The following FRMD5 variants were observed in gnomAD, a reference collection of about 807,000 sequenced individuals.
FRMD5 encodes FERM domain-containing protein 5.
A neutral mutation model predicts 69.0 loss-of-function variants in FRMD5; 20 were observed. The ratio of observed to expected loss-of-function variants is 0.29; its 90% CI spans 0.20 to 0.42. The LOEUF (loss-of-function observed/expected upper bound fraction) is 0.42, where lower values mean the gene tolerates loss of function less well. FRMD5 is among the 10% of genes least tolerant of loss of function. The pLI is 1.00. For synonymous variants in FRMD5, 271 were observed against 260.1 expected (o/e 1.04, Z -0.40); for missense variants, 595 against 708.6 (o/e 0.84, Z 1.82).
chr15:43,979,943 T>A (rs1290714099), intron 1 of FRMD5, among the ~76,000 whole-genome samples: 1 of 152,144 alleles, frequency 6.6e-6, no homozygotes, highest in African/African-American at 2.4e-5. Flanking sequence ...CCAACTCTAA[T>A]TGGAGAACAG....
At chr15:43,926,701 C>A (rs1396425631) in intron 1 of FRMD5, among the ~76,000 whole-genome samples, 1 of 151,776 alleles carries the variant, frequency 6.6e-6, no homozygotes, top group Non-Finnish European at 1.5e-5. Context: ...ATGTGGGCAA[C>A]ACCCCTCCTC....
At chr15:43,958,618 G>A (rs142508072) in intron 1 of FRMD5, among the ~76,000 whole-genome samples, 8 of 151,988 alleles carry the variant, frequency 5.3e-5, no homozygotes, top group South Asian at 2.1e-4. Context: ...AATTTTTTTC[G>A]AGACAGGGTT....
At chr15:44,145,979 T>G (rs769391091) in intron 1 of FRMD5, among the ~76,000 whole-genome samples, 4 of 152,240 alleles carry the variant, frequency 2.6e-5, no homozygotes, top group Non-Finnish European at 1.5e-5. Flanking sequence ...TTTTGCATAC[T>G]GAGAATGGAA....
At chr15:44,100,837 A>G (rs1169043622) in intron 1 of FRMD5, among the ~76,000 whole-genome samples, 1 of 152,180 alleles carries the variant, frequency 6.6e-6, no homozygotes, top group African/African-American at 2.4e-5. Flanking sequence ...CAAGGGAACT[A>G]GTTCCTGCAG....
At chr15:44,037,083 C>T (rs1313431193) in intron 1 of FRMD5, among the ~76,000 whole-genome samples, 1 of 152,062 alleles carries the variant, frequency 6.6e-6, no homozygotes, top group Admixed American at 6.5e-5. Context: ...GTTTGCTCTA[C>T]CCATCAGCCT....
chr15:44,089,933 C>G (rs2076448262), intron 1 of FRMD5, among the ~76,000 whole-genome samples: 1 of 152,042 alleles, frequency 6.6e-6, no homozygotes, highest in African/African-American at 2.4e-5. Flanking sequence ...TTGTCTTCCA[C>G]CTCTCTCACT....
chr15:44,157,175 C>A (rs1027178249), intron 1 of FRMD5, among the ~76,000 whole-genome samples: 1 of 152,064 alleles, frequency 6.6e-6, no homozygotes, highest in Non-Finnish European at 1.5e-5. Context: ...ATCCAGACAC[C>A]TTCAGATATG....
chr15:44,098,649 T>C (rs2076591713), intron 1 of FRMD5, among the ~76,000 whole-genome samples: 1 of 152,208 alleles, frequency 6.6e-6, no homozygotes, highest in Admixed American at 6.5e-5. Flanking sequence ...ACTGCAAATG[T>C]ACCATTTCCT....
intron 13 of FRMD5, among the ~76,000 whole-genome samples, chr15:43,878,911 A>C (rs1595472603): frequency 7.3e-6 from 1 of 136,804 alleles, no homozygotes; most frequent in East Asian, 2.1e-4. Context: ...ATAGATAGGC[A>C]TTTCTTTTTT....
chr15:44,094,499 A>G (rs2076522702), intron 1 of FRMD5, among the ~76,000 whole-genome samples: 1 of 152,052 alleles, frequency 6.6e-6, no homozygotes, highest in South Asian at 2.1e-4. Flanking sequence ...GAGCCACCAA[A>G]CTCCCACTAA....
chr15:43,974,180 T>C (rs2090430236), intron 1 of FRMD5, among the ~76,000 whole-genome samples: 1 of 151,950 alleles, frequency 6.6e-6, no homozygotes. Context: ...CTAGTGAAAG[T>C]GAGAGGCAAG....
At chr15:44,049,242 G>T (rs1892557015) in intron 1 of FRMD5, among the ~76,000 whole-genome samples, 1 of 152,194 alleles carries the variant, frequency 6.6e-6, no homozygotes, top group Non-Finnish European at 1.5e-5. Flanking sequence ...GAGTTGTTAA[G>T]AAGTAGACCA....
intron 13 of FRMD5, among the ~76,000 whole-genome samples, chr15:43,875,182 G>C (rs970676873): frequency 2.0e-5 from 3 of 151,850 alleles, no homozygotes; most frequent in Admixed American, 6.6e-5. Context: ...GGGTGACAGA[G>C]CAAGACTCTG....
chr15:44,075,317 G>A (rs1335593706), intron 1 of FRMD5, among the ~76,000 whole-genome samples: 1 of 151,970 alleles, frequency 6.6e-6, no homozygotes. Context: ...ATTCTAAAGT[G>A]GTGCCAATTT....
intron 1 of FRMD5, among the ~76,000 whole-genome samples, chr15:44,151,606 A>G (rs1221091723): frequency 6.6e-6 from 1 of 152,136 alleles, no homozygotes; most frequent in East Asian, 1.9e-4. Flanking sequence ...AAAAGAAATT[A>G]AAGAGTAGTG....
chr15:43,934,736 G>A (rs16948660), intron 1 of FRMD5, among the ~76,000 whole-genome samples: 6,684 of 152,242 alleles, frequency 0.044, 445 homozygotes, highest in African/African-American at 0.14. Flanking sequence ...ATAAAATGAG[G>A]ATCGTTGCAA....
At chr15:44,161,799 A>C (rs2077620174) in intron 1 of FRMD5, among the ~76,000 whole-genome samples, 1 of 152,132 alleles carries the variant, frequency 6.6e-6, no homozygotes, top group South Asian at 2.1e-4. Flanking sequence ...CTCCTTCCAC[A>C]AACTCTCCAC....
intron 1 of FRMD5, among the ~76,000 whole-genome samples, chr15:44,109,602 G>A (rs962154522): frequency 4.0e-5 from 6 of 150,254 alleles, no homozygotes; most frequent in South Asian, 2.1e-4. Context: ...CCCACCCTAC[G>A]GTGGTACATT....
At chr15:44,164,151 C>T (rs1193056438) in intron 1 of FRMD5, among the ~76,000 whole-genome samples, 10 of 152,208 alleles carry the variant, frequency 6.6e-5, no homozygotes, top group Non-Finnish European at 1.2e-4. Context: ...GCCCCACTCC[C>T]TTCCAGACAA....
Sources: allele counts gnomAD v4.1 joint callset (sites outside exome capture counted in the v4.1 genomes callset), GRCh38; gene constraint gnomAD v4.1.1; transcripts MANE v1.5; gene names NCBI Gene and HGNC (gene_info 2026-07-23, HGNC 2026-07-21).